Variants in ARFGAP3 observed in about 807,000 individuals in gnomAD.
ARFGAP3 encodes ARF GTPase activating protein 3.
A neutral mutation model predicts 75.0 loss-of-function variants in ARFGAP3; 72 were observed. The observed-to-expected ratio is 0.96, with a 90% CI of 0.79 to 1.17. The LOEUF is 1.17. ARFGAP3 is among the 50% of genes most tolerant of loss of function. The probability of loss-of-function intolerance (pLI) is 0.00; values close to 1 mark genes in which losing one functional copy is unlikely to be tolerated. For synonymous variants in ARFGAP3, 221 were observed against 217.9 expected (o/e 1.01, Z -0.13); for missense variants, 620 against 626.6 (o/e 0.99, Z 0.11).
intron 8 of ARFGAP3, among the ~76,000 whole-genome samples, 195 bp downstream of exon 8, chr22:42,823,461 C>A (rs1925899440): frequency 6.6e-6 from 1 of 151,924 alleles, no homozygotes; most frequent in Non-Finnish European, 1.5e-5. Flanking sequence ...GTTAAATAAT[C>A]ATTCTAGAAA....
At chr22:42,806,967 A>C (rs1387314481) in intron 14 of ARFGAP3, 106 bp downstream of exon 14, 1 of 1,179,946 alleles carries the variant, frequency 8.5e-7, no homozygotes, top group East Asian at 2.7e-5. Context: ...CAGAGCATCG[A>C]ATAATGGTTG....
At chr22:42,853,398 C>T (rs1927365099) in intron 1 of ARFGAP3, 1 of 218,582 alleles carries the variant, frequency 4.6e-6, no homozygotes, top group Non-Finnish European at 9.8e-6. Context: ...GTTTCTACTC[C>T]TTTTTCACTT....
intron 1 of ARFGAP3, among the ~76,000 whole-genome samples, chr22:42,848,204 T>C (rs1927108630): frequency 6.6e-6 from 1 of 151,916 alleles, no homozygotes; most frequent in African/African-American, 2.4e-5. Context: ...TTATGTTATA[T>C]ATATATTTAT....
At chr22:42,812,712 G>C (rs1925421976) in intron 11 of ARFGAP3, among the ~76,000 whole-genome samples, 1 of 152,238 alleles carries the variant, frequency 6.6e-6, no homozygotes, top group Admixed American at 6.5e-5. Context: ...GGAGCAGATG[G>C]TATGATATTA....
chr22:42,847,989 G>A (rs146710601), intron 1 of ARFGAP3, among the ~76,000 whole-genome samples: 82 of 145,878 alleles, frequency 5.6e-4, no homozygotes, highest in Middle Eastern at 3.9e-3. Flanking sequence ...CTCAGCCTCC[G>A]GAGTAGCTGG....
Position 42,797,335 on chromosome 22 carries a change from T to G in ARFGAP3, c.*253A>C. On this transcript the variant is annotated 3_prime_UTR_variant, in exon 16 of 16. Coordinates refer to ENST00000263245, the MANE Select transcript of ARFGAP3 (RefSeq NM_014570.5). ...GTTGAAATCAAAGGTTCCAAGAAAA[T>G]AAAGCAAGGATATACACAGAGACGC... The G allele has an allele frequency of 5.9e-6, 3 of 507,766 alleles. No homozygotes were observed. The highest frequency in any genetic ancestry group is 1.0e-5 in the Non-Finnish European group (3 of 288,758). 31.5% of individuals were successfully genotyped at this position (507,766 alleles called of 1,614,324 possible). A position where few individuals can be genotyped will look rare whatever the true frequency, so the allele number is the denominator to read the frequency against.
At chr22:42,849,525 G>A (rs971179189) in intron 1 of ARFGAP3, among the ~76,000 whole-genome samples, 3 of 150,230 alleles carry the variant, frequency 2.0e-5, no homozygotes, top group Non-Finnish European at 4.4e-5. Context: ...CTAGGCTGGA[G>A]TGCAGTGGCA....
rs1012595181 is a variant in ARFGAP3, at chr22:42,834,444, T to A, written c.394-119A>T. On this transcript the variant is annotated intron_variant, in intron 4 of 15. Coordinates refer to ENST00000263245, the MANE Select transcript of ARFGAP3 (RefSeq NM_014570.5). ...TAAAGATTGGTGCTTTCCATTCTTATAAAATCAGTAACATCCCTACAGAGG... is the reference window on the plus strand; with the variant it reads ...TAAAGATTGGTGCTTTCCATTCTTAAAAAATCAGTAACATCCCTACAGAGG... 14 of 1,486,476 alleles carry A rather than the reference T, an allele frequency of 9.4e-6. No homozygotes were observed. In the East Asian group the frequency reaches 2.1e-4, roughly 23 times the overall value. The allele number at this position is 1,486,476 out of a possible 1,614,324, so 92.1% of individuals were successfully genotyped here.
At chr22:42,835,328 T>G (rs756466477) in intron 4 of ARFGAP3, 34 bp downstream of exon 4, 2 of 1,607,948 alleles carry the variant, frequency 1.2e-6, no homozygotes, top group Admixed American at 1.7e-5. Flanking sequence ...TGAACATGTA[T>G]CTAAAGGAAA....
intron 2 of ARFGAP3, among the ~76,000 whole-genome samples, chr22:42,842,779 T>C (rs886961883): frequency 2.6e-5 from 4 of 152,198 alleles, no homozygotes; most frequent in African/African-American, 9.6e-5. Context: ...CCGCCCTTTG[T>C]TTATAACTTG....
At chr22:42,809,437 A>G (rs1001365899) in intron 12 of ARFGAP3, among the ~76,000 whole-genome samples, 7 of 152,166 alleles carry the variant, frequency 4.6e-5, no homozygotes, top group African/African-American at 1.7e-4. Context: ...GTGTACTAAG[A>G]CAAGTTAAAC....
chr22:42,856,726 C>G (rs1160244832), intron 1 of ARFGAP3, among the ~76,000 whole-genome samples: 1 of 152,082 alleles, frequency 6.6e-6, no homozygotes, highest in Non-Finnish European at 1.5e-5. Context: ...CGCGCTTTCC[C>G]CGCATCCGGC....
At chr22:42,820,947 T>A (rs1356211036) in intron 9 of ARFGAP3, among the ~76,000 whole-genome samples, 1 of 152,192 alleles carries the variant, frequency 6.6e-6, no homozygotes, top group Non-Finnish European at 1.5e-5. Context: ...CGCCCCTTCA[T>A]GACAGCACTG....
chr22:42,807,610 G>A (rs1454882283), intron 13 of ARFGAP3, among the ~76,000 whole-genome samples: 1 of 152,160 alleles, frequency 6.6e-6, no homozygotes, highest in East Asian at 1.9e-4. Flanking sequence ...CGAAATGATG[G>A]CGAAATGTTA....
chr22:42,832,347 G>C (rs1926331144), intron 5 of ARFGAP3, among the ~76,000 whole-genome samples: 1 of 151,686 alleles, frequency 6.6e-6, no homozygotes, highest in African/African-American at 2.4e-5. Flanking sequence ...GGCCAATATG[G>C]TGAAACCCTG....
In ARFGAP3 at chr22:42,841,162, C is replaced by G. The variant is rs1208204110; in HGVS notation, c.189-146G>C. The G allele has an allele frequency of 2.1e-6, 3 of 1,429,268 alleles. No individual in the cohort carries two copies. In the African/African-American group the frequency reaches 4.3e-5, roughly 21 times the overall value. 88.5% of individuals were successfully genotyped at this position (1,429,268 alleles called of 1,614,324 possible). A position where few individuals can be genotyped will look rare whatever the true frequency, so the allele number is the denominator to read the frequency against. ...AACAAGGACCCACACTTTTGGGATG[C>G]TAGGACTCCAGAGTGGATGATGGTT... On this transcript the variant is annotated intron_variant, in intron 2 of 15. Coordinates refer to ENST00000263245, the MANE Select transcript of ARFGAP3 (RefSeq NM_014570.5).
chr22:42,810,793 C>G lies in ARFGAP3; in HGVS notation c.1196+20G>C, dbSNP rs1925334234. On this transcript the variant is annotated intron_variant, in intron 12 of 15. Coordinates refer to ENST00000263245, the MANE Select transcript of ARFGAP3 (RefSeq NM_014570.5). ...AATGCATGGATTCACTACTACAACC[C>G]CACAGTTTTGCATTCATACCTGTCT... 1.2e-6 allele frequency: 2 copies of G among 1,601,950 alleles called. No homozygotes were observed. The highest frequency in any genetic ancestry group is 1.7e-5 in the Admixed American group (1 of 59,026).
At chr22:42,806,480 C>T (rs1925129052) in intron 14 of ARFGAP3, among the ~76,000 whole-genome samples, 1 of 152,240 alleles carries the variant, frequency 6.6e-6, no homozygotes, top group African/African-American at 2.4e-5. Context: ...ACAGGCAATT[C>T]CTCTCCACCT....
intron 1 of ARFGAP3, among the ~76,000 whole-genome samples, chr22:42,852,207 A>C (rs749492332): frequency 2.6e-4 from 38 of 144,780 alleles, no homozygotes; most frequent in Non-Finnish European, 4.0e-4. Flanking sequence ...GGCATGAGCC[A>C]CCATGCATGG....
Sources: allele counts gnomAD v4.1 joint callset (sites outside exome capture counted in the v4.1 genomes callset), GRCh38; gene constraint gnomAD v4.1.1; transcripts MANE v1.5; gene names NCBI Gene and HGNC (gene_info 2026-07-23, HGNC 2026-07-21).